The following CTIF variants were observed in gnomAD, a reference collection of about 807,000 sequenced individuals.
CTIF encodes the protein CBP80/20-dependent translation initiation factor.
CTIF carries 21 observed loss-of-function variants against 66.0 expected under a neutral mutation model. The observed-to-expected ratio is 0.32, with a 90% CI of 0.23 to 0.46. CTIF has a LOEUF of 0.46. CTIF is among the 20% of genes least tolerant of loss of function. The pLI is 1.00. For missense variants in CTIF, 739 were observed against 812.7 expected, an observed-to-expected ratio of 0.91 and a Z score of 1.10; for synonymous variants, 345 against 326.4, an observed-to-expected ratio of 1.06 and a Z score of -0.62.
Position 48,817,504 on chromosome 18 carries a change from G to A in CTIF, c.1527+128G>A, listed in dbSNP as rs561696042. On this transcript the variant is annotated intron_variant, in intron 10 of 11. Transcript: ENST00000256413. ...AAAGGGACCCATCCGGGCCAGGCAC[G>A]GTGGCTCACACCTGTAATCCCAGCA... The A allele has an allele frequency of 4.2e-5, 48 of 1,144,120 alleles. No individual in the cohort carries two copies. In the Admixed American group the frequency reaches 8.1e-4, roughly 19 times the overall value. 70.9% of individuals were successfully genotyped at this position (1,144,120 alleles called of 1,614,324 possible).
intron 2 of CTIF, among the ~76,000 whole-genome samples, chr18:48,625,536 T>C (rs1165589043): frequency 2.0e-5 from 3 of 152,228 alleles, no homozygotes; most frequent in African/African-American, 7.2e-5. Context: ...AGTGAGTTCA[T>C]TTCCTTGCCT....
At chr18:48,587,138 G>A (rs11664849) in intron 1 of CTIF, among the ~76,000 whole-genome samples, 6,686 of 147,154 alleles carry the variant, frequency 0.045, 225 homozygotes, top group South Asian at 0.099. Context: ...CTGGAATGCC[G>A]TGGCATGATC....
At chr18:48,746,148 A>G (rs534000172) in intron 7 of CTIF, among the ~76,000 whole-genome samples, 1 of 152,178 alleles carries the variant, frequency 6.6e-6, no homozygotes, top group Non-Finnish European at 1.5e-5. Context: ...TCTGTGTCCC[A>G]TCTGTGGGGC....
At chr18:48,851,713 C>T (rs1047625934) in intron 10 of CTIF, among the ~76,000 whole-genome samples, 1 of 152,252 alleles carries the variant, frequency 6.6e-6, no homozygotes, top group East Asian at 1.9e-4. Context: ...CAGCGACATC[C>T]GCCTGCGGCT....
At chr18:48,722,109 G>C (rs1031931274) in intron 7 of CTIF, among the ~76,000 whole-genome samples, 1 of 151,806 alleles carries the variant, frequency 6.6e-6, no homozygotes, top group Admixed American at 6.6e-5. Flanking sequence ...GAAGGTTCTA[G>C]AAAGGCAGCC....
intron 5 of CTIF, among the ~76,000 whole-genome samples, chr18:48,665,547 C>T (rs1254230661): frequency 6.6e-6 from 1 of 152,152 alleles, no homozygotes; most frequent in Non-Finnish European, 1.5e-5. Context: ...GTATGCTAGA[C>T]CTGTTGTGCA....
chr18:48,796,410 T>A (rs568409408), intron 9 of CTIF, among the ~76,000 whole-genome samples: 1 of 152,206 alleles, frequency 6.6e-6, no homozygotes, highest in East Asian at 1.9e-4. Context: ...TATCCTGACC[T>A]CGCAATCTGC....
At chr18:48,557,093 G>A (rs1461735339) in intron 1 of CTIF, among the ~76,000 whole-genome samples, 1 of 152,148 alleles carries the variant, frequency 6.6e-6, no homozygotes, top group Non-Finnish European at 1.5e-5. Context: ...AGCAGGGACT[G>A]AAGGAGGGGT....
intron 9 of CTIF, among the ~76,000 whole-genome samples, chr18:48,811,150 A>G (rs1312894855): frequency 6.6e-6 from 1 of 152,306 alleles, no homozygotes; most frequent in South Asian, 2.1e-4. Context: ...TTGGATTATT[A>G]AGTCACTACT....
chr18:48,806,510 C>T (rs1171323786), intron 9 of CTIF, among the ~76,000 whole-genome samples: 1 of 152,198 alleles, frequency 6.6e-6, no homozygotes, highest in Admixed American at 6.5e-5. Context: ...CTAGGCCATT[C>T]ATTTTCCAAG....
At chr18:48,571,139 C>A (rs753979931) in intron 1 of CTIF, among the ~76,000 whole-genome samples, 1 of 152,158 alleles carries the variant, frequency 6.6e-6, no homozygotes, top group East Asian at 1.9e-4. Context: ...TTGCCTTATG[C>A]CCTCCTGGAG....
chr18:48,774,091 G>A (rs532927908), intron 9 of CTIF, among the ~76,000 whole-genome samples: 26 of 152,232 alleles, frequency 1.7e-4, no homozygotes, highest in Admixed American at 7.2e-4. Context: ...CAGAGTGCAC[G>A]GCGCAGTGCA....
chr18:48,779,283 T>C (rs1469905246), intron 9 of CTIF, among the ~76,000 whole-genome samples: 2 of 152,182 alleles, frequency 1.3e-5, no homozygotes, highest in African/African-American at 4.8e-5. Context: ...GCCATAAGTA[T>C]CCCTTAGACC....
intron 6 of CTIF, among the ~76,000 whole-genome samples, chr18:48,703,453 G>T (rs1318919303): frequency 6.6e-6 from 1 of 152,176 alleles, no homozygotes; most frequent in Non-Finnish European, 1.5e-5. Flanking sequence ...CAAGCATTTA[G>T]TGTAGTTGTT....
At chr18:48,653,068 C>G (rs1050020844) in intron 3 of CTIF, among the ~76,000 whole-genome samples, 1 of 152,132 alleles carries the variant, frequency 6.6e-6, no homozygotes, top group South Asian at 2.1e-4. Flanking sequence ...AAAACTGGCA[C>G]AAGACAGGGA....
chr18:48,550,551 C>A (rs1180841544), intron 1 of CTIF, among the ~76,000 whole-genome samples: 1 of 152,216 alleles, frequency 6.6e-6, no homozygotes, highest in African/African-American at 2.4e-5. Flanking sequence ...GCTGACCATG[C>A]AAGCTAAGAG....
chr18:48,619,988 C>T (rs969195529), intron 2 of CTIF, among the ~76,000 whole-genome samples: 1 of 152,202 alleles, frequency 6.6e-6, no homozygotes, highest in Non-Finnish European at 1.5e-5. Context: ...CTTTGAGGCC[C>T]AGCCAGGCCC....
chr18:48,818,852 C>T (rs1466779927), intron 10 of CTIF, among the ~76,000 whole-genome samples: 1 of 152,040 alleles, frequency 6.6e-6, no homozygotes, highest in Non-Finnish European at 1.5e-5. Context: ...GGTCACGGGC[C>T]CTGGGTGTCA....
chr18:48,664,947 GC>G (rs2091413059), intron 5 of CTIF, among the ~76,000 whole-genome samples: 1 of 134,164 alleles, frequency 7.5e-6, no homozygotes, highest in African/African-American at 2.7e-5. Flanking sequence ...TCGCTCTGTC[GC>G]CCAGGCCGGA....
Sources: allele counts gnomAD v4.1 joint callset (sites outside exome capture counted in the v4.1 genomes callset), GRCh38; gene constraint gnomAD v4.1.1; transcripts MANE v1.5; gene names NCBI Gene and HGNC (gene_info 2026-07-23, HGNC 2026-07-21).